The following ABCC1 variants were observed in gnomAD, a reference collection of about 807,000 sequenced individuals.
ABCC1 encodes the protein ATP binding cassette subfamily C member 1 (ABCC1 blood group).
A neutral mutation model predicts 172.9 loss-of-function variants in ABCC1; 83 were observed. The observed-to-expected ratio is 0.48, with a 90% confidence interval of 0.40 to 0.58. The LOEUF is 0.58. Among genes scored for constraint, ABCC1 ranks in the 20% least tolerant of loss-of-function variants. The pLI is 0.00. For synonymous variants in ABCC1, 937 were observed against 825.2 expected (o/e 1.14, Z -2.32); for missense variants, 1,817 against 2,002.7 (o/e 0.91, Z 1.77).
chr16:15,983,825 G>A (rs1483119404), intron 1 of ABCC1, among the ~76,000 whole-genome samples: 1 of 151,956 alleles, frequency 6.6e-6, no homozygotes, highest in Admixed American at 6.6e-5. Context: ...CAAAGTACTG[G>A]GATTACAGGT....
intron 1 of ABCC1, among the ~76,000 whole-genome samples, chr16:15,998,426 C>G (rs985533163): frequency 1.3e-5 from 2 of 152,168 alleles, no homozygotes; most frequent in Non-Finnish European, 2.9e-5. Context: ...TGTGCCCGGT[C>G]CTCAGATGAT....
At chr16:16,076,146 C>T (rs1012921312) in intron 14 of ABCC1, 180 bp from the exon 15 acceptor site, 22 of 612,982 alleles carry the variant, frequency 3.6e-5, no homozygotes, top group Non-Finnish European at 5.9e-5. Flanking sequence ...GGGCTGCCTC[C>T]AGAACTGCAG....
intron 23 of ABCC1, among the ~76,000 whole-genome samples, chr16:16,119,323 C>T (rs2045048470): frequency 6.6e-6 from 1 of 152,058 alleles, no homozygotes; most frequent in South Asian, 2.1e-4. Context: ...AACCTGTAGT[C>T]CCACCTGCTT....
At chr16:15,981,318 C>T (rs937015873) in intron 1 of ABCC1, among the ~76,000 whole-genome samples, 3 of 152,192 alleles carry the variant, frequency 2.0e-5, no homozygotes, top group Non-Finnish European at 2.9e-5. Context: ...GGCCTCTGGC[C>T]CCACATTTGC....
intron 1 of ABCC1, among the ~76,000 whole-genome samples, chr16:15,959,588 A>G (rs2046083067): frequency 6.6e-6 from 1 of 152,194 alleles, no homozygotes; most frequent in African/African-American, 2.4e-5. Flanking sequence ...GGCCTCCCAA[A>G]GTGCTGGGAT....
chr16:16,069,214 A>AAATG (rs1248266927), intron 13 of ABCC1, among the ~76,000 whole-genome samples: 42 of 147,266 alleles, frequency 2.9e-4, no homozygotes, highest in African/African-American at 9.2e-4. Context: ...ATAAATAAAT[A>AAATG]TGTTTGAAAA....
chr16:16,132,068 G>A (rs2045699079), intron 27 of ABCC1, 133 bp downstream of exon 27: 3 of 1,139,596 alleles, frequency 2.6e-6, no homozygotes, highest in Non-Finnish European at 3.7e-6. Flanking sequence ...CTTTTTGGGG[G>A]GCTGGGAGTG....
At chr16:16,132,329 C>T (rs746655787) in intron 27 of ABCC1, among the ~76,000 whole-genome samples, 20 of 151,686 alleles carry the variant, frequency 1.3e-4, no homozygotes, top group Non-Finnish European at 2.5e-4. Context: ...TGTGCCACTG[C>T]ACCTGGCTAA....
At chr16:16,000,018 C>A (rs2047242257) in intron 1 of ABCC1, among the ~76,000 whole-genome samples, 1 of 150,274 alleles carries the variant, frequency 6.7e-6, no homozygotes, top group Non-Finnish European at 1.5e-5. Flanking sequence ...CCATGCCTGG[C>A]TAATTTTTGT....
At chr16:16,015,794 C>T (rs1367023706) in intron 4 of ABCC1, among the ~76,000 whole-genome samples, 1 of 152,148 alleles carries the variant, frequency 6.6e-6, no homozygotes, top group Non-Finnish European at 1.5e-5. Flanking sequence ...CCATAACACT[C>T]CCAAGTTACC....
intron 1 of ABCC1, among the ~76,000 whole-genome samples, chr16:16,003,919 T>G (rs2047418102): frequency 8.0e-6 from 1 of 125,390 alleles, no homozygotes; most frequent in African/African-American, 2.9e-5. Flanking sequence ...AATTGGTAGG[T>G]GGGTAGCTGA....
chr16:16,120,156 T>C (rs2045087411), intron 23 of ABCC1, among the ~76,000 whole-genome samples: 2 of 152,006 alleles, frequency 1.3e-5, no homozygotes, highest in South Asian at 4.1e-4. Context: ...CTGCTATTGA[T>C]GCTTTTTGTT....
intron 1 of ABCC1, among the ~76,000 whole-genome samples, chr16:15,964,778 A>G (rs1216225997): frequency 6.6e-6 from 1 of 152,090 alleles, no homozygotes; most frequent in Non-Finnish European, 1.5e-5. Flanking sequence ...TTGGCCTCCC[A>G]AAGTGCTGGG....
Position 16,086,705 on chromosome 16 carries a change from G to A in ABCC1, c.2293-119G>A, listed in dbSNP as rs45461392. 1,584 of 1,068,430 alleles carry A rather than the reference G, an allele frequency of 1.5e-3. 12 individuals carry two copies. The African/African-American group carries it at 0.022, about 15-fold the overall frequency. The allele number at this position is 1,068,430 out of a possible 1,614,324, so 66.2% of individuals were successfully genotyped here. The stretch of plus-strand genomic sequence containing the variant: ...GCTGGTCTCAAACCCCTGGTCTCAA[G>A]CAGTCCTTCCACCTTGGCCTCCCAA... On this transcript the variant is annotated intron_variant, in intron 17 of 30. Coordinates refer to ENST00000399410, the MANE Select transcript of ABCC1 (RefSeq NM_004996.4).
intron 14 of ABCC1, among the ~76,000 whole-genome samples, chr16:16,073,010 C>A (rs1337575152): frequency 6.7e-6 from 1 of 148,840 alleles, no homozygotes; most frequent in African/African-American, 2.5e-5. Context: ...CCACTGCACT[C>A]CAGCCAGGGC....
Position 16,045,813 on chromosome 16 carries a change from G to A in ABCC1, c.1041-23G>A, listed in dbSNP as rs771833764. 4 of 1,611,990 alleles carry A rather than the reference G, an allele frequency of 2.5e-6. No individual in the cohort carries two copies. In the South Asian group the frequency reaches 4.4e-5, roughly 18 times the overall value. On this transcript the variant is annotated intron_variant, in intron 8 of 30. Coordinates refer to ENST00000399410, the MANE Select transcript of ABCC1 (RefSeq NM_004996.4). ...CCCCACGTGTCACAAGTCATTCCAG[G>A]CCCTCTCTTTGCTCCTTTGCAGGTT...
intron 13 of ABCC1, among the ~76,000 whole-genome samples, chr16:16,069,155 AAT>A (rs1241440772): frequency 3.0e-5 from 4 of 132,686 alleles, no homozygotes; most frequent in African/African-American, 1.1e-4. Context: ...AAAAAAATAA[AAT>A]AAAATAAAAT....
At chr16:16,074,177 C>T (rs1242546190) in intron 14 of ABCC1, among the ~76,000 whole-genome samples, 3 of 152,064 alleles carry the variant, frequency 2.0e-5, no homozygotes, top group Non-Finnish European at 4.4e-5. Context: ...TGAGCAGCAA[C>T]CCTGGACTCT....
intron 16 of ABCC1, among the ~76,000 whole-genome samples, chr16:16,082,520 G>T (rs2050844414): frequency 6.6e-6 from 1 of 152,034 alleles, no homozygotes; most frequent in Non-Finnish European, 1.5e-5. Flanking sequence ...CATGCTGTTT[G>T]TGATACCTGA....
Sources: allele counts gnomAD v4.1 joint callset (sites outside exome capture counted in the v4.1 genomes callset), GRCh38; gene constraint gnomAD v4.1.1; transcripts MANE v1.5; gene names NCBI Gene and HGNC (gene_info 2026-07-23, HGNC 2026-07-21).